The following GPR176 variants were observed in gnomAD, a reference collection of about 807,000 sequenced individuals.
The protein encoded by GPR176 is G protein-coupled receptor 176.
Under a neutral mutation model 35.4 loss-of-function variants are expected in GPR176, and 26 were observed. The ratio of observed to expected loss-of-function variants is 0.74; its 90% confidence interval spans 0.54 to 1.02. The LOEUF (loss-of-function observed/expected upper bound fraction) is 1.02. Among genes scored for constraint, GPR176 ranks in the 50% least tolerant of loss-of-function variants. The probability of loss-of-function intolerance (pLI) is 0.00; values close to 1 mark genes in which losing one functional copy is unlikely to be tolerated. For missense variants in GPR176, 597 were observed against 665.3 expected (o/e 0.90, Z 1.13); for synonymous variants, 278 against 271.3 (o/e 1.02, Z -0.24).
chr15:39,882,817 T>C (rs979515332), intron 1 of GPR176, among the ~76,000 whole-genome samples: 1 of 152,210 alleles, frequency 6.6e-6, no homozygotes, highest in Admixed American at 6.5e-5. Flanking sequence ...CCAGAAGCAC[T>C]GTGGTTGTCA....
chr15:39,889,315 A>T (rs1395002508), intron 1 of GPR176, among the ~76,000 whole-genome samples: 1 of 152,160 alleles, frequency 6.6e-6, no homozygotes, highest in African/African-American at 2.4e-5. Context: ...TGGGAGGCTG[A>T]GGTGGGTGGA....
intron 1 of GPR176, among the ~76,000 whole-genome samples, chr15:39,810,358 T>G (rs551420686): frequency 1.3e-5 from 2 of 152,318 alleles, no homozygotes; most frequent in South Asian, 4.1e-4. Context: ...TAACCACAAC[T>G]CTGACAGACA....
In GPR176 at chr15:39,808,367, C is replaced by T. The variant is rs1899330574; in HGVS notation, c.173-1109G>A. 2.0e-5 allele frequency among the ~76,000 whole-genome samples: 3 copies of T among 152,302 alleles called. No homozygotes were observed. The South Asian group carries it at 6.2e-4, about 32-fold the overall frequency. On this transcript the variant is annotated intron_variant, in intron 1 of 2. Transcript: ENST00000561100. ...GGCTCCAGCCACTCTAGTCTTTGTG[C>T]CATTCCTGAAACACATCAGGGCTAA... is the stretch of plus-strand genomic sequence containing the variant.
chr15:39,818,333 A>C (rs1161584165), intron 1 of GPR176, among the ~76,000 whole-genome samples: 1 of 152,260 alleles, frequency 6.6e-6, no homozygotes, highest in Non-Finnish European at 1.5e-5. Context: ...CAAACTAAGC[A>C]GGAGTTGAAT....
intron 1 of GPR176, among the ~76,000 whole-genome samples, chr15:39,893,260 G>C (rs2032941927): frequency 6.6e-6 from 1 of 152,164 alleles, no homozygotes; most frequent in Non-Finnish European, 1.5e-5. Context: ...GCCTTCCGCA[G>C]TGTTTGTGTC....
intron 1 of GPR176, among the ~76,000 whole-genome samples, chr15:39,893,871 C>G (rs1433711506): frequency 1.4e-5 from 2 of 141,206 alleles, no homozygotes; most frequent in African/African-American, 2.7e-5. Context: ...AGAGGCGCCC[C>G]TCACCTCCCG....
intron 1 of GPR176, among the ~76,000 whole-genome samples, chr15:39,897,599 A>ATTTTTTTTTTTTTTT (rs386382791): frequency 1.1e-5 from 1 of 88,524 alleles, no homozygotes; most frequent in African/African-American, 4.5e-5. Context: ...ACATCCAAAT[A>ATTTTTTTTTTTTTTT]TTTTTTTTTT....
At chr15:39,910,613 C>A (rs976238982) in intron 1 of GPR176, among the ~76,000 whole-genome samples, 2 of 151,660 alleles carry the variant, frequency 1.3e-5, no homozygotes, top group African/African-American at 4.9e-5. Context: ...CAGGCAGAAA[C>A]AACAGGACAA....
At chr15:39,905,284 G>A (rs28495043) in intron 1 of GPR176, among the ~76,000 whole-genome samples, 45,261 of 151,956 alleles carry the variant, frequency 0.3, 6,973 homozygotes, top group African/African-American at 0.34. Context: ...AGAATAACCA[G>A]AAAAGTTACA....
intron 1 of GPR176, among the ~76,000 whole-genome samples, chr15:39,837,572 T>C (rs1173062780): frequency 6.6e-6 from 1 of 152,158 alleles, no homozygotes; most frequent in Admixed American, 6.6e-5. Context: ...TTATACTTTG[T>C]TTACATTAAT....
At chr15:39,878,096 C>CTGTGTGTGTG (rs58251937) in intron 1 of GPR176, among the ~76,000 whole-genome samples, 16,433 of 129,792 alleles carry the variant, frequency 0.13, 1,213 homozygotes, top group Non-Finnish European at 0.14. Context: ...CCATAGTTAC[C>CTGTGTGTGTG]TGTGTGTGTG....
At chr15:39,811,131 T>A (rs960030525) in intron 1 of GPR176, among the ~76,000 whole-genome samples, 1 of 152,250 alleles carries the variant, frequency 6.6e-6, no homozygotes, top group African/African-American at 2.4e-5. Context: ...TTGCTTTTTT[T>A]AACTGATCTG....
chr15:39,851,988 A>G (rs528511787), intron 1 of GPR176, among the ~76,000 whole-genome samples: 1 of 152,266 alleles, frequency 6.6e-6, no homozygotes, highest in East Asian at 1.9e-4. Flanking sequence ...CCCCAGGAGT[A>G]TCATAAAGAC....
chr15:39,851,541 G>T (rs896320501), intron 1 of GPR176, among the ~76,000 whole-genome samples: 1 of 152,142 alleles, frequency 6.6e-6, no homozygotes, highest in Non-Finnish European at 1.5e-5. Flanking sequence ...AATGACCTTA[G>T]AAAACTTATT....
At chr15:39,856,045 A>C (rs1035308902) in intron 1 of GPR176, among the ~76,000 whole-genome samples, 2 of 152,232 alleles carry the variant, frequency 1.3e-5, no homozygotes, top group Admixed American at 6.5e-5. Context: ...TAGTAAGTGA[A>C]GGAGACAAGA....
rs116237442 is a variant in GPR176, at chr15:39,901,277, G to T, written c.172+18578C>A. Among the ~76,000 whole-genome samples, 1,161 of 151,920 alleles carry T rather than the reference G, an allele frequency of 7.6e-3. 38 individuals carry two copies. In the East Asian group the frequency reaches 0.08, roughly 10 times the overall value. Reference sequence around the variant, plus strand: ...TAAATAATTTAGTTATTACTTATAGGATATGGAATGATATGGAAATGGTTG... The same window carrying T: ...TAAATAATTTAGTTATTACTTATAGTATATGGAATGATATGGAAATGGTTG... On this transcript the variant is annotated intron_variant, in intron 1 of 2. Coordinates refer to ENST00000561100, the MANE Select transcript of GPR176 (RefSeq NM_007223.3).
intron 1 of GPR176, among the ~76,000 whole-genome samples, chr15:39,861,116 C>A (rs1049295508): frequency 2.0e-5 from 3 of 152,092 alleles, no homozygotes; most frequent in African/African-American, 7.2e-5. Flanking sequence ...CCTCCAAACA[C>A]CCTACTTATC....
intron 1 of GPR176, among the ~76,000 whole-genome samples, chr15:39,820,364 G>A (rs894194025): frequency 2.0e-5 from 3 of 152,194 alleles, no homozygotes; most frequent in African/African-American, 7.2e-5. Context: ...CTGAAAGGAT[G>A]AGTTATAGCT....
At chr15:39,824,836 C>A (rs929120142) in intron 1 of GPR176, among the ~76,000 whole-genome samples, 1 of 152,308 alleles carries the variant, frequency 6.6e-6, no homozygotes, top group African/African-American at 2.4e-5. Flanking sequence ...TATCCCTCTA[C>A]CCCTCTGCTT....
Sources: gnomAD v4.1 joint callset for allele counts (sites outside exome capture counted in the v4.1 genomes callset) on GRCh38, gnomAD v4.1.1 for gene constraint, MANE v1.5 for transcripts, NCBI Gene and HGNC (gene_info 2026-07-23, HGNC 2026-07-21) for gene names.